The following MGMT variants were observed in gnomAD, a reference collection of about 807,000 sequenced individuals.
The protein encoded by MGMT is methylated-DNA--protein-cysteine methyltransferase.
In MGMT, 14 loss-of-function variants were observed where a neutral mutation model predicts 15.9. The ratio of observed to expected loss-of-function variants is 0.88; its 90% confidence interval spans 0.58 to 1.37. The LOEUF is 1.37. Ranked by LOEUF, MGMT falls within the 40% of genes most tolerant of loss-of-function variation. MGMT has a pLI of 0.00. For synonymous variants in MGMT, 130 were observed against 118.2 expected (o/e 1.10, Z -0.65); for missense variants, 282 against 268.1 (o/e 1.05, Z -0.36).
At chr10:129,635,304 C>A (rs1227881680) in intron 2 of MGMT, among the ~76,000 whole-genome samples, 1 of 152,176 alleles carries the variant, frequency 6.6e-6, no homozygotes, top group Admixed American at 6.5e-5. Flanking sequence ...TCTGTCCCTC[C>A]AGTTCTGTCC....
chr10:129,550,245 T>C (rs147570670), intron 2 of MGMT, among the ~76,000 whole-genome samples: 4,962 of 150,254 alleles, frequency 0.033, 127 homozygotes, highest in South Asian at 0.062. Flanking sequence ...CGCCCAGCAC[T>C]GGCATGTTTC....
intron 1 of MGMT, among the ~76,000 whole-genome samples, chr10:129,508,119 A>G (rs1344170431): frequency 4.6e-5 from 7 of 152,144 alleles, no homozygotes; most frequent in Non-Finnish European, 1.0e-4. Context: ...ACAGCCCAGT[A>G]GCAGTTCTCA....
At position 129,752,201 on chromosome 10, in the gene MGMT, G is replaced by T. The variant is rs75432785; in HGVS notation, c.275-7001G>T. 5.2e-3 allele frequency among the ~76,000 whole-genome samples: 795 copies of T among 152,038 alleles called. 7 individuals carry two copies. Among genetic ancestry groups the T allele is most frequent in the Non-Finnish European group, 8.3e-3 (565 of 67,832 alleles). On this transcript the variant is annotated intron_variant, in intron 3 of 4. Transcript: ENST00000651593. ...AGACACATATACATTTAGAATTGAT[G>T]ATTTCTTTTTGTGAATTGACCCTCT...
At chr10:129,600,391 A>G (rs1013960425) in intron 2 of MGMT, among the ~76,000 whole-genome samples, 2 of 152,228 alleles carry the variant, frequency 1.3e-5, no homozygotes, top group Non-Finnish European at 2.9e-5. Flanking sequence ...GCTAGAGGCA[A>G]CAGGTTAAAA....
chr10:129,682,951 C>T (rs1847869013), intron 2 of MGMT, among the ~76,000 whole-genome samples: 2 of 152,304 alleles, frequency 1.3e-5, no homozygotes, highest in South Asian at 4.1e-4. Context: ...CGGGTTCAAG[C>T]GATTCTCCTG....
chr10:129,733,813 G>A (rs11016900), intron 3 of MGMT, among the ~76,000 whole-genome samples: 1 of 152,302 alleles, frequency 6.6e-6, no homozygotes, highest in African/African-American at 2.4e-5. Flanking sequence ...TTATTAAATA[G>A]GGAATACTTT....
At chr10:129,467,335 A>C in intron 1 of MGMT, 39 bp downstream of exon 1, 1 of 1,517,432 alleles carries the variant, frequency 6.6e-7, no homozygotes, top group South Asian at 1.2e-5. Context: ...AAGAGTGCGG[A>C]GCTCTCCCTC....
chr10:129,657,730 C>G (rs1216260996), intron 2 of MGMT, among the ~76,000 whole-genome samples: 5 of 148,998 alleles, frequency 3.4e-5, no homozygotes, highest in Admixed American at 3.3e-4. Flanking sequence ...CACACACACC[C>G]CCTCTCCCCC....
chr10:129,521,770 G>T (rs553967451), intron 1 of MGMT, among the ~76,000 whole-genome samples: 1 of 152,236 alleles, frequency 6.6e-6, no homozygotes, highest in East Asian at 1.9e-4. Flanking sequence ...CAAGTCCCAC[G>T]AGGCCGAGGC....
intron 2 of MGMT, among the ~76,000 whole-genome samples, chr10:129,578,587 A>G (rs1011774110): frequency 1.3e-4 from 20 of 152,296 alleles, no homozygotes; most frequent in Admixed American, 3.3e-4. Context: ...ATGCTAAATG[A>G]CAAGTTAATG....
intron 2 of MGMT, among the ~76,000 whole-genome samples, chr10:129,542,862 TC>T (rs1234023983): frequency 9.9e-5 from 15 of 152,188 alleles, no homozygotes; most frequent in African/African-American, 3.4e-4. Flanking sequence ...GGATGTTGCC[TC>T]CCGTTTCTGC....
chr10:129,733,884 A>G lies in MGMT; in HGVS notation c.275-25318A>G, dbSNP rs968052565. ...CAGATAGTTGTAGATATGCGGCGTT[A>G]TTTCTGAGGACTCTGTTCTGTTCCA... is the stretch of plus-strand genomic sequence containing the variant. On this transcript the variant is annotated intron_variant, in intron 3 of 4. Transcript: ENST00000651593. Among the ~76,000 whole-genome samples the G allele has an allele frequency of 1.1e-4, 17 of 152,150 alleles. No individual in the cohort carries two copies. In the South Asian group the frequency reaches 1.9e-3, roughly 17 times the overall value.
At chr10:129,503,784 T>C (rs1481575785) in intron 1 of MGMT, among the ~76,000 whole-genome samples, 1 of 152,254 alleles carries the variant, frequency 6.6e-6, no homozygotes, top group East Asian at 1.9e-4. Flanking sequence ...ATCCAGGGGC[T>C]GAAATGTTGT....
chr10:129,528,435 C>G (rs1424552200), intron 1 of MGMT, among the ~76,000 whole-genome samples: 3 of 150,988 alleles, frequency 2.0e-5, no homozygotes, highest in African/African-American at 7.3e-5. Flanking sequence ...ATGACAGTGG[C>G]CACTGTGCAG....
chr10:129,669,542 C>A (rs988139815), intron 2 of MGMT, among the ~76,000 whole-genome samples: 1 of 151,982 alleles, frequency 6.6e-6, no homozygotes. Context: ...TTATTAAATT[C>A]TTCTCGACAT....
chr10:129,728,689 C>A (rs1168954580), intron 3 of MGMT, among the ~76,000 whole-genome samples: 1 of 152,016 alleles, frequency 6.6e-6, no homozygotes, highest in African/African-American at 2.4e-5. Context: ...TCAGCACCAG[C>A]GTTGCCTCCC....
At chr10:129,733,382 T>G (rs537475931) in intron 3 of MGMT, among the ~76,000 whole-genome samples, 1 of 152,268 alleles carries the variant, frequency 6.6e-6, no homozygotes, top group East Asian at 1.9e-4. Context: ...GTTCATGTCC[T>G]TCGCCCACTT....
At position 129,497,039 on chromosome 10, in the gene MGMT, G is replaced by A. The variant is rs185764696; in HGVS notation, c.-13+29743G>A. Among the ~76,000 whole-genome samples, 263 of 152,206 alleles carry A rather than the reference G, an allele frequency of 1.7e-3. 1 individual carries two copies. The highest frequency in any genetic ancestry group is 2.3e-3 in the Non-Finnish European group (154 of 68,008). On this transcript the variant is annotated intron_variant, in intron 1 of 4. Coordinates refer to ENST00000651593, the MANE Select transcript of MGMT (RefSeq NM_002412.5). ...GCAAGGGAAGGCTATCGGGGTAGAAGTTCTGAAGCAAGTACTCTGAATGGT... is the reference window on the plus strand; with the variant it reads ...GCAAGGGAAGGCTATCGGGGTAGAAATTCTGAAGCAAGTACTCTGAATGGT...
At chr10:129,520,005 C>T (rs1218590001) in intron 1 of MGMT, among the ~76,000 whole-genome samples, 4 of 151,896 alleles carry the variant, frequency 2.6e-5, no homozygotes, top group Non-Finnish European at 4.4e-5. Context: ...CCTATCTCTA[C>T]CAAAAAAGAA....
Sources: gnomAD v4.1 joint callset for allele counts (sites outside exome capture counted in the v4.1 genomes callset) on GRCh38, gnomAD v4.1.1 for gene constraint, MANE v1.5 for transcripts, NCBI Gene and HGNC (gene_info 2026-07-23, HGNC 2026-07-21) for gene names.